The following CDH4 variants were observed in gnomAD, a reference collection of about 807,000 sequenced individuals.
The protein encoded by CDH4 is cadherin-4.
CDH4 carries 33 observed loss-of-function variants against 86.0 expected under a neutral mutation model. The ratio of observed to expected loss-of-function variants is 0.38; its 90% CI spans 0.29 to 0.51. CDH4 has a LOEUF of 0.51. CDH4 is among the 20% of genes least tolerant of loss of function. The pLI, the probability that CDH4 is intolerant of heterozygous loss-of-function variation, is 0.86. For synonymous variants in CDH4, 555 were observed against 549.4 expected, an observed-to-expected ratio of 1.01 and a Z score of -0.14; for missense variants, 1,114 against 1,307.4, an observed-to-expected ratio of 0.85 and a Z score of 2.28.
intron 2 of CDH4, among the ~76,000 whole-genome samples, chr20:61,359,705 C>G (rs28484945): frequency 6.6e-6 from 1 of 152,188 alleles, no homozygotes; most frequent in African/African-American, 2.4e-5. Context: ...GGGAGAAAAC[C>G]TAAAGGCTGC....
At chr20:61,579,823 G>A (rs2086412093) in intron 2 of CDH4, among the ~76,000 whole-genome samples, 1 of 152,112 alleles carries the variant, frequency 6.6e-6, no homozygotes, top group African/African-American at 2.4e-5. Flanking sequence ...GTAAGGCTGA[G>A]TACCAAGTAT....
chr20:61,799,586 C>T (rs1311073346), intron 4 of CDH4, among the ~76,000 whole-genome samples: 6 of 152,150 alleles, frequency 3.9e-5, no homozygotes, highest in Non-Finnish European at 7.4e-5. Flanking sequence ...TCAGGAGATG[C>T]GTCCTGGGCT....
At chr20:61,820,725 G>A (rs1980976367) in intron 4 of CDH4, among the ~76,000 whole-genome samples, 1 of 152,104 alleles carries the variant, frequency 6.6e-6, no homozygotes. Context: ...GAAACCCCTG[G>A]GTTACTGCAT....
chr20:61,347,807 C>T (rs527857425), intron 2 of CDH4, among the ~76,000 whole-genome samples: 4 of 152,342 alleles, frequency 2.6e-5, no homozygotes, highest in African/African-American at 7.2e-5. Flanking sequence ...GTCTCTTCAA[C>T]TTCAGCTGAT....
chr20:61,914,441 A>G lies in CDH4; in HGVS notation c.1374+3834A>G, dbSNP rs187452207. Among the ~76,000 whole-genome samples, 35 of 150,744 alleles carry G rather than the reference A, an allele frequency of 2.3e-4. 1 individual carries two copies. Among genetic ancestry groups the G allele is most frequent in the African/African-American group, 7.7e-4 (31 of 40,072 alleles). On this transcript the variant is annotated intron_variant, in intron 9 of 15. Transcript: ENST00000614565. Reference sequence around the variant, plus strand: ...TGAAGTCCTCAAAACCCTCTTTGGGAAAAGCACAGGACACAGATCCCACTG... The same window carrying G: ...TGAAGTCCTCAAAACCCTCTTTGGGGAAAGCACAGGACACAGATCCCACTG...
At chr20:61,612,079 T>C (rs2086689689) in intron 2 of CDH4, among the ~76,000 whole-genome samples, 1 of 152,102 alleles carries the variant, frequency 6.6e-6, no homozygotes, top group East Asian at 1.9e-4. Flanking sequence ...AGTACAATTA[T>C]GGAATTTAAA....
At chr20:61,641,446 C>T (rs2087008667) in intron 2 of CDH4, among the ~76,000 whole-genome samples, 1 of 152,192 alleles carries the variant, frequency 6.6e-6, no homozygotes, top group South Asian at 2.1e-4. Context: ...CTCCCAACCC[C>T]CTGCTACCCC....
intron 2 of CDH4, among the ~76,000 whole-genome samples, chr20:61,309,303 G>A (rs555365655): frequency 9.9e-5 from 15 of 152,224 alleles, no homozygotes; most frequent in South Asian, 2.1e-4. Flanking sequence ...GGATGGGGGC[G>A]CCTCACTGTG....
At chr20:61,892,979 T>C (rs1442519644) in intron 7 of CDH4, among the ~76,000 whole-genome samples, 10 of 73,584 alleles carry the variant, frequency 1.4e-4, no homozygotes, top group Middle Eastern at 0.015. Flanking sequence ...GAGGGATAGA[T>C]GGGTGGATGG....
intron 2 of CDH4, among the ~76,000 whole-genome samples, chr20:61,575,919 G>A (rs1963331673): frequency 6.6e-6 from 1 of 152,204 alleles, no homozygotes; most frequent in South Asian, 2.1e-4. Flanking sequence ...AGAGGCTGAT[G>A]ACATGGGATG....
intron 2 of CDH4, among the ~76,000 whole-genome samples, chr20:61,607,331 T>C (rs955388139): frequency 6.6e-6 from 1 of 152,248 alleles, no homozygotes; most frequent in Non-Finnish European, 1.5e-5. Context: ...CCTTCTGAAA[T>C]GCAAATAGAT....
chr20:61,507,046 C>A (rs1232581703), intron 2 of CDH4, among the ~76,000 whole-genome samples: 1 of 152,146 alleles, frequency 6.6e-6, no homozygotes, highest in African/African-American at 2.4e-5. Context: ...TGAAATATGC[C>A]CCGTTTTGAG....
At chr20:61,508,066 A>G (rs188027499) in intron 2 of CDH4, among the ~76,000 whole-genome samples, 7 of 152,338 alleles carry the variant, frequency 4.6e-5, no homozygotes, top group East Asian at 1.9e-4. Flanking sequence ...TGGGCATTCA[A>G]GTTTGCTGCG....
At chr20:61,545,573 C>CT (rs987092556) in intron 2 of CDH4, among the ~76,000 whole-genome samples, 4 of 152,180 alleles carry the variant, frequency 2.6e-5, no homozygotes, top group South Asian at 2.1e-4. Context: ...CTGACGTGGA[C>CT]TTTTTTTTCA....
At chr20:61,880,146 C>T (rs1984215895) in intron 7 of CDH4, among the ~76,000 whole-genome samples, 1 of 152,170 alleles carries the variant, frequency 6.6e-6, no homozygotes, top group African/African-American at 2.4e-5. Context: ...ATTCAAATTC[C>T]AGTAGAAAGT....
At chr20:61,283,943 G>A (rs997343826) in intron 2 of CDH4, among the ~76,000 whole-genome samples, 1 of 152,136 alleles carries the variant, frequency 6.6e-6, no homozygotes, top group African/African-American at 2.4e-5. Flanking sequence ...TTCCCAAGTG[G>A]ACAGGTGTGA....
chr20:61,685,438 C>G (rs1371502635), intron 2 of CDH4, among the ~76,000 whole-genome samples: 1 of 152,206 alleles, frequency 6.6e-6, no homozygotes, highest in Non-Finnish European at 1.5e-5. Flanking sequence ...TCTTGCTGTA[C>G]CTGCCTCATA....
At chr20:61,900,117 G>GGT (rs1985319576) in intron 8 of CDH4, among the ~76,000 whole-genome samples, 1 of 152,200 alleles carries the variant, frequency 6.6e-6, no homozygotes, top group African/African-American at 2.4e-5. Context: ...CAGCGGGGGG[G>GGT]ACTGGCTGGG....
intron 4 of CDH4, among the ~76,000 whole-genome samples, chr20:61,786,182 C>T (rs1404426569): frequency 1.3e-5 from 2 of 152,142 alleles, no homozygotes; most frequent in African/African-American, 2.4e-5. Context: ...CGTCTCCTTC[C>T]GCAGCAAAAC....
Sources: allele counts gnomAD v4.1 joint callset (sites outside exome capture counted in the v4.1 genomes callset), GRCh38; gene constraint gnomAD v4.1.1; transcripts MANE v1.5; gene names NCBI Gene and HGNC (gene_info 2026-07-23, HGNC 2026-07-21).